The following CSMD1 variants were observed in gnomAD, a reference collection of about 807,000 sequenced individuals.
The protein encoded by CSMD1 is CUB and sushi domain-containing protein 1.
A neutral mutation model predicts 417.5 loss-of-function variants in CSMD1; 213 were observed. The observed-to-expected ratio is 0.51, with a 90% CI of 0.46 to 0.57. CSMD1 has a LOEUF of 0.57. Ranked by LOEUF, CSMD1 falls within the 20% of genes least tolerant of loss-of-function variation. The pLI is 0.00. For missense variants in CSMD1, 6,923 were observed against 4,529.7 expected (o/e 1.53, Z -15.17); for synonymous variants, 2,862 against 1,736.8 (o/e 1.65, Z -16.11).
chr8:4,094,558 C>T (rs1056781405), intron 3 of CSMD1, among the ~76,000 whole-genome samples: 12 of 152,098 alleles, frequency 7.9e-5, no homozygotes, highest in Admixed American at 5.2e-4. Flanking sequence ...TTCTTGTAGA[C>T]GCCCACATGA....
At chr8:3,990,476 T>A (rs1814660534) in intron 5 of CSMD1, among the ~76,000 whole-genome samples, 1 of 152,128 alleles carries the variant, frequency 6.6e-6, no homozygotes, top group Admixed American at 6.5e-5. Context: ...TTTCTTCTTC[T>A]CTGTTACTCC....
intron 3 of CSMD1, among the ~76,000 whole-genome samples, chr8:4,172,901 G>C (rs1045465736): frequency 6.6e-6 from 1 of 152,128 alleles, no homozygotes; most frequent in Non-Finnish European, 1.5e-5. Context: ...CAGGAGTTGA[G>C]TCTGAGTCCC....
rs1274133259 is a variant in CSMD1 at position 4,043,660 on chromosome 8, C to T, written c.416-11561G>A. Among the ~76,000 whole-genome samples, 7 of 152,222 alleles carry T rather than the reference C, an allele frequency of 4.6e-5. No homozygotes were observed. The South Asian group carries it at 1.2e-3, about 27-fold the overall frequency. On this transcript the variant is annotated intron_variant, in intron 3 of 69. Transcript: ENST00000635120. ...TTTTTAATTCTAGGAGTGGTGGTTC[C>T]TGGGTGAAACCATACATTTATTTCA...
chr8:3,021,057 T>C (rs1487264593), intron 51 of CSMD1, among the ~76,000 whole-genome samples: 3 of 152,238 alleles, frequency 2.0e-5, no homozygotes, highest in African/African-American at 7.2e-5. Flanking sequence ...GATCTTGTCT[T>C]GAAACTTCCA....
intron 1 of CSMD1, among the ~76,000 whole-genome samples, chr8:4,882,304 T>A (rs980629048): frequency 2.6e-5 from 4 of 151,740 alleles, no homozygotes; most frequent in Non-Finnish European, 4.4e-5. Context: ...CTGAATGGCA[T>A]ACGGCAGACA....
chr8:4,970,239 A>G (rs1038101805), intron 1 of CSMD1, among the ~76,000 whole-genome samples: 1 of 152,096 alleles, frequency 6.6e-6, no homozygotes, highest in Non-Finnish European at 1.5e-5. Flanking sequence ...TCACTTTGGG[A>G]GCTGAGTAAG....
chr8:3,674,817 G>A (rs556052051), intron 7 of CSMD1, among the ~76,000 whole-genome samples: 5 of 152,260 alleles, frequency 3.3e-5, no homozygotes, highest in Admixed American at 6.5e-5. Flanking sequence ...AAATGAGGCT[G>A]CACTGAAGTT....
At chr8:3,219,808 T>G (rs1208979428) in intron 28 of CSMD1, among the ~76,000 whole-genome samples, 1 of 152,196 alleles carries the variant, frequency 6.6e-6, no homozygotes, top group Non-Finnish European at 1.5e-5. Context: ...ACATTTCCAC[T>G]GACCTTTTAT....
intron 7 of CSMD1, among the ~76,000 whole-genome samples, chr8:3,649,209 C>T (rs989377017): frequency 1.3e-5 from 2 of 152,134 alleles, no homozygotes; most frequent in African/African-American, 4.8e-5. Context: ...TACCATAAGT[C>T]TTCCGATATT....
intron 5 of CSMD1, among the ~76,000 whole-genome samples, chr8:3,933,915 G>T (rs1463652819): frequency 6.6e-6 from 1 of 151,888 alleles, no homozygotes; most frequent in African/African-American, 2.4e-5. Flanking sequence ...AGTAAATATG[G>T]GTGAAAAATG....
At chr8:4,117,129 C>G (rs1370989673) in intron 3 of CSMD1, among the ~76,000 whole-genome samples, 1 of 151,760 alleles carries the variant, frequency 6.6e-6, no homozygotes, top group African/African-American at 2.4e-5. Context: ...CTGCCACATT[C>G]TAGCCAAGGA....
intron 3 of CSMD1, among the ~76,000 whole-genome samples, chr8:4,376,243 C>A (rs1000270925): frequency 6.6e-6 from 1 of 152,130 alleles, no homozygotes; most frequent in African/African-American, 2.4e-5. Flanking sequence ...TCCTATTTGA[C>A]AATACTGATA....
intron 3 of CSMD1, among the ~76,000 whole-genome samples, chr8:4,160,376 T>C (rs1016185093): frequency 6.6e-6 from 1 of 152,176 alleles, no homozygotes; most frequent in Middle Eastern, 3.2e-3. Context: ...ACTTTGGAAA[T>C]TTGGTGTTAT....
intron 12 of CSMD1, among the ~76,000 whole-genome samples, chr8:3,428,452 C>T (rs1813995781): frequency 6.6e-6 from 1 of 152,056 alleles, no homozygotes; most frequent in South Asian, 2.1e-4. Context: ...TAAATCACCC[C>T]AAACTGTTTA....
intron 6 of CSMD1, among the ~76,000 whole-genome samples, chr8:3,732,437 A>C (rs1383898039): frequency 6.6e-6 from 1 of 152,208 alleles, no homozygotes; most frequent in African/African-American, 2.4e-5. Flanking sequence ...TCATACTGGA[A>C]GGACTCATTC....
At chr8:3,215,186 T>C (rs921605611) in intron 29 of CSMD1, among the ~76,000 whole-genome samples, 2 of 152,206 alleles carry the variant, frequency 1.3e-5, no homozygotes, top group Non-Finnish European at 2.9e-5. Context: ...AGCACTTTCT[T>C]ATACGAATAA....
At chr8:3,529,107 T>A (rs1019137863) in intron 10 of CSMD1, among the ~76,000 whole-genome samples, 4 of 152,220 alleles carry the variant, frequency 2.6e-5, no homozygotes, top group African/African-American at 9.6e-5. Flanking sequence ...CTTTGAAAAG[T>A]GAACTAATCA....
intron 1 of CSMD1, among the ~76,000 whole-genome samples, chr8:4,640,818 A>T (rs2130867047): frequency 6.6e-6 from 1 of 151,470 alleles, no homozygotes; most frequent in East Asian, 2.0e-4. Flanking sequence ...GTTTTAGTTA[A>T]AATTAAGATG....
At position 3,181,319 on chromosome 8, in the gene CSMD1, T is replaced by A. The variant is rs893116442; in HGVS notation, c.5621-105A>T. 1.9e-5 allele frequency: 14 copies of A among 730,030 alleles called. No homozygotes were observed. In the African/African-American group the frequency reaches 2.5e-4, roughly 13 times the overall value. The allele number at this position is 730,030 out of a possible 1,614,324, so 45.2% of individuals were successfully genotyped here. ...ATTAGGCTTACAAATCCCTACAGTT[T>A]GTCTGATTACCAGATATTTAATCTG... On this transcript the variant is annotated intron_variant, in intron 36 of 69. Transcript: ENST00000635120.
Sources: allele counts gnomAD v4.1 joint callset (sites outside exome capture counted in the v4.1 genomes callset), GRCh38; gene constraint gnomAD v4.1.1; transcripts MANE v1.5; gene names NCBI Gene and HGNC (gene_info 2026-07-23, HGNC 2026-07-21).